The following MBD5 variants were observed in gnomAD, a reference collection of about 807,000 sequenced individuals.
The protein encoded by MBD5 is methyl-CpG binding domain protein 5.
A neutral mutation model predicts 117.3 loss-of-function variants in MBD5; 13 were observed. The ratio of observed to expected loss-of-function variants is 0.11; its 90% CI spans 0.07 to 0.18. MBD5 has a LOEUF of 0.18. Among genes scored for constraint, MBD5 ranks in the 10% least tolerant of loss-of-function variants. The pLI, the probability that MBD5 is intolerant of heterozygous loss-of-function variation, is 1.00. For missense variants in MBD5, 1,879 were observed against 2,093.8 expected (o/e 0.90, Z 2.00); for synonymous variants, 727 against 766.4 (o/e 0.95, Z 0.85).
At chr2:148,133,995 A>G (rs2105485641) in intron 1 of MBD5, among the ~76,000 whole-genome samples, 1 of 152,292 alleles carries the variant, frequency 6.6e-6, no homozygotes, top group South Asian at 2.1e-4. Context: ...TGCCAGGATA[A>G]TGAGGGCAGA....
At chr2:148,412,580 C>G (rs1705295258) in intron 4 of MBD5, among the ~76,000 whole-genome samples, 1 of 152,054 alleles carries the variant, frequency 6.6e-6, no homozygotes, top group East Asian at 1.9e-4. Flanking sequence ...TTGATTCTTC[C>G]TCTCCATGGG....
chr2:148,212,177 T>C (rs373245516), intron 2 of MBD5, among the ~76,000 whole-genome samples: 1 of 152,250 alleles, frequency 6.6e-6, no homozygotes, highest in East Asian at 1.9e-4. Flanking sequence ...CATTCACTAC[T>C]GTTCAATTCT....
At chr2:148,088,845 C>T (rs1172797312) in intron 1 of MBD5, among the ~76,000 whole-genome samples, 1 of 151,894 alleles carries the variant, frequency 6.6e-6, no homozygotes, top group African/African-American at 2.4e-5. Flanking sequence ...GATGAAGTAC[C>T]TCAAATCTCC....
chr2:148,206,214 A>G lies in MBD5; in HGVS notation c.-830-27031A>G, dbSNP rs573354581. On this transcript the variant is annotated intron_variant, in intron 2 of 13. Coordinates refer to ENST00000642680, the MANE Select transcript of MBD5 (RefSeq NM_001378120.1). Reference sequence around the variant, plus strand: ...CGCATATATATGTATACAGAGAGAAAACAAAATAACAGAATGAAGAACAAT... The same window carrying G: ...CGCATATATATGTATACAGAGAGAAGACAAAATAACAGAATGAAGAACAAT... Among the ~76,000 whole-genome samples the G allele has an allele frequency of 3.3e-5, 5 of 152,272 alleles. No homozygotes were observed. The South Asian group carries it at 1.0e-3, about 32-fold the overall frequency.
intron 8 of MBD5, chr2:148,481,591 T>C (rs1166721700): frequency 6.6e-6 from 1 of 152,206 alleles, no homozygotes; most frequent in African/African-American, 2.4e-5. Flanking sequence ...CAAATGCATG[T>C]ATTACATAAA....
Position 148,021,664 on chromosome 2 carries a change from C to A in MBD5, c.-945C>A. ...CCTCCACAGCTCCAGGGAAGGCACTCAAAAGTGGGGGGCAGGAAAGGTAAG... is the reference window on the plus strand; with the variant it reads ...CCTCCACAGCTCCAGGGAAGGCACTAAAAAGTGGGGGGCAGGAAAGGTAAG... On this transcript the variant is annotated 5_prime_UTR_variant, in exon 1 of 14. Coordinates refer to ENST00000642680, the MANE Select transcript of MBD5 (RefSeq NM_001378120.1). The A allele has an allele frequency of 2.6e-6, 1 of 390,826 alleles. No homozygotes were observed. The highest frequency in any genetic ancestry group is 2.0e-5 in the South Asian group (1 of 49,706). 24.2% of individuals were successfully genotyped at this position (390,826 alleles called of 1,614,324 possible). A position where few individuals can be genotyped will look rare whatever the true frequency, so the allele number is the denominator to read the frequency against.
intron 3 of MBD5, among the ~76,000 whole-genome samples, chr2:148,244,667 A>G (rs972998127): frequency 6.6e-6 from 1 of 152,234 alleles, no homozygotes; most frequent in African/African-American, 2.4e-5. Context: ...TGTAGTGGGC[A>G]CTGGTGACAC....
intron 1 of MBD5, among the ~76,000 whole-genome samples, chr2:148,117,349 CA>C (rs1477979301): frequency 6.6e-6 from 1 of 151,674 alleles, no homozygotes; most frequent in African/African-American, 2.4e-5. Context: ...GGAGTTTCCT[CA>C]GAGGACTAAG....
chr2:148,138,388 A>G (rs991517168), intron 1 of MBD5, among the ~76,000 whole-genome samples: 1 of 152,228 alleles, frequency 6.6e-6, no homozygotes, highest in Non-Finnish European at 1.5e-5. Context: ...TTAAATTTCA[A>G]TTAGAATATG....
chr2:148,441,878 G>T (rs1706336101), intron 4 of MBD5, among the ~76,000 whole-genome samples: 1 of 152,080 alleles, frequency 6.6e-6, no homozygotes. Flanking sequence ...ATTTTTTCAT[G>T]TGTCTTTTGG....
At position 148,221,092 on chromosome 2, in the gene MBD5, T is replaced by G. The variant is rs144142176; in HGVS notation, c.-830-12153T>G. 3.7e-3 allele frequency among the ~76,000 whole-genome samples: 571 copies of G among 152,306 alleles called. 2 individuals carry two copies. The highest frequency in any genetic ancestry group is 5.5e-3 in the Non-Finnish European group (375 of 67,992). On this transcript the variant is annotated intron_variant, in intron 2 of 13. Coordinates refer to ENST00000642680, the MANE Select transcript of MBD5 (RefSeq NM_001378120.1). ...TGACCTCTAGTTCCATTCATGTTGT[T>G]GCAGATGACAACATCTTATTCTTTT...
At chr2:148,450,605 A>G (rs78451538) in intron 4 of MBD5, among the ~76,000 whole-genome samples, 1 of 152,286 alleles carries the variant, frequency 6.6e-6, no homozygotes, top group East Asian at 1.9e-4. Context: ...CAGATTGTTC[A>G]CATGATGATG....
At chr2:148,446,396 C>T (rs1419979427) in intron 4 of MBD5, among the ~76,000 whole-genome samples, 1 of 151,728 alleles carries the variant, frequency 6.6e-6, no homozygotes, top group Admixed American at 6.6e-5. Context: ...AGGTGATATC[C>T]AAAAACAAAC....
intron 4 of MBD5, among the ~76,000 whole-genome samples, chr2:148,390,068 C>T (rs1285285052): frequency 1.3e-5 from 2 of 152,090 alleles, no homozygotes; most frequent in Admixed American, 1.3e-4. Flanking sequence ...ACATTTAAGT[C>T]TTTAATACAT....
At chr2:148,381,409 A>T (rs1704138845) in intron 4 of MBD5, among the ~76,000 whole-genome samples, 1 of 152,144 alleles carries the variant, frequency 6.6e-6, no homozygotes, top group South Asian at 2.1e-4. Flanking sequence ...GTTTAGAGAA[A>T]AAAGAATAAA....
intron 4 of MBD5, among the ~76,000 whole-genome samples, chr2:148,450,248 C>T (rs548732950): frequency 1.3e-5 from 2 of 152,256 alleles, no homozygotes; most frequent in South Asian, 4.1e-4. Flanking sequence ...AATTTTAAAA[C>T]TTGTGCAAGG....
intron 4 of MBD5, among the ~76,000 whole-genome samples, chr2:148,366,840 A>G (rs538336277): frequency 6.6e-6 from 1 of 152,364 alleles, no homozygotes. Context: ...ACACAAACAA[A>G]TGGAAAACAT....
intron 3 of MBD5, among the ~76,000 whole-genome samples, chr2:148,331,665 A>G (rs1702659760): frequency 6.6e-6 from 1 of 152,110 alleles, no homozygotes. Context: ...ATGCTAAAAC[A>G]TGTGAGTTTG....
chr2:148,165,845 C>T (rs16828345), intron 1 of MBD5, among the ~76,000 whole-genome samples: 1,873 of 152,114 alleles, frequency 0.012, 45 homozygotes, highest in African/African-American at 0.043. Flanking sequence ...GTGTGAGAGG[C>T]AGTGTTAAGC....
Sources: allele counts gnomAD v4.1 joint callset (sites outside exome capture counted in the v4.1 genomes callset), GRCh38; gene constraint gnomAD v4.1.1; transcripts MANE v1.5; gene names NCBI Gene and HGNC (gene_info 2026-07-23, HGNC 2026-07-21).